The following SVEP1 variants were observed in gnomAD, a reference collection of about 807,000 sequenced individuals.
SVEP1 encodes the protein sushi, von Willebrand factor type A, EGF and pentraxin domain containing 1.
Under a neutral mutation model 367.3 loss-of-function variants are expected in SVEP1, and 164 were observed. The observed-to-expected ratio is 0.45, with a 90% CI of 0.39 to 0.51. The LOEUF is 0.51. Ranked by LOEUF, SVEP1 falls within the 20% of genes least tolerant of loss-of-function variation. The pLI is 0.00. For missense variants in SVEP1, 4,117 were observed against 4,425.3 expected, an observed-to-expected ratio of 0.93 and a Z score of 1.98; for synonymous variants, 1,666 against 1,611.6, an observed-to-expected ratio of 1.03 and a Z score of -0.81.
chr9:110,576,974 T>G (rs1830634652), intron 1 of SVEP1, among the ~76,000 whole-genome samples: 2 of 152,070 alleles, frequency 1.3e-5, no homozygotes, highest in South Asian at 2.1e-4. Context: ...AAACTATTTC[T>G]CTGATTTGGG....
chr9:110,387,510 C>G (rs1827544107), intron 41 of SVEP1, 52 bp from the exon 42 acceptor site: 3 of 1,488,966 alleles, frequency 2.0e-6, no homozygotes, highest in Non-Finnish European at 2.7e-6. Flanking sequence ...ATTCCTCTTT[C>G]CTTCTTTTCC....
rs1441745980 is a variant in SVEP1, at chr9:110,457,323, G to A, written c.3606C>T (p.Cys1202=). The part of the protein sequence containing the change: ...QVFHECFFNP[C]HNSGTCQQLG... ...GTTGCTGGCAGGTTCCACTATTGTGGCAAGGGTTAAAGAAGCATTCATGGA... is the reference window on the plus strand; with the variant it reads ...GTTGCTGGCAGGTTCCACTATTGTGACAAGGGTTAAAGAAGCATTCATGGA... The change falls in exon 21 of 48, where the codon TGC becomes TGT. Residue 1202 remains cysteine, a synonymous_variant. Coordinates refer to ENST00000374469, the MANE Select transcript of SVEP1 (RefSeq NM_153366.4). 1 of 1,612,372 alleles carries A rather than the reference G, an allele frequency of 6.2e-7. No individual in the cohort carries two copies. Among genetic ancestry groups the A allele is most frequent in the Admixed American group, 1.7e-5 (1 of 59,488 alleles).
At chr9:110,424,769 G>C (rs7036103) in intron 36 of SVEP1, among the ~76,000 whole-genome samples, 1 of 151,940 alleles carries the variant, frequency 6.6e-6, no homozygotes, top group African/African-American at 2.4e-5. Context: ...CCGCCTCTGA[G>C]GTTCAAGCAA....
At chr9:110,534,973 G>T (rs923823758) in intron 3 of SVEP1, among the ~76,000 whole-genome samples, 1 of 152,058 alleles carries the variant, frequency 6.6e-6, no homozygotes, top group Non-Finnish European at 1.5e-5. Flanking sequence ...TAGGCTGTCT[G>T]TTTAGTCTGT....
chr9:110,431,026 A>T (rs1828342726), intron 32 of SVEP1, among the ~76,000 whole-genome samples: 1 of 152,220 alleles, frequency 6.6e-6, no homozygotes, highest in African/African-American at 2.4e-5. Flanking sequence ...AAACGGGAGG[A>T]TATATTGCAT....
chr9:110,368,387 C>G (rs1827229399), intron 47 of SVEP1, among the ~76,000 whole-genome samples: 1 of 152,156 alleles, frequency 6.6e-6, no homozygotes, highest in East Asian at 1.9e-4. Context: ...TGCTAGTTAG[C>G]CTTCCCTTGA....
chr9:110,491,595 G>GTGTGTGTGTGTA (rs1211763262), intron 8 of SVEP1, among the ~76,000 whole-genome samples: 1 of 137,408 alleles, frequency 7.3e-6, no homozygotes, highest in African/African-American at 2.5e-5. Flanking sequence ...AATGGGGTGT[G>GTGTGTGTGTGTA]TGTGTGTGTG....
chr9:110,400,470 G>A (rs1400050771), intron 40 of SVEP1, among the ~76,000 whole-genome samples: 1 of 151,814 alleles, frequency 6.6e-6, no homozygotes, highest in African/African-American at 2.4e-5. Flanking sequence ...GGGTTCAAGC[G>A]ATTCTCCTGC....
At chr9:110,483,443 T>A in intron 10 of SVEP1, 143 bp downstream of exon 10, 1 of 464,236 alleles carries the variant, frequency 2.2e-6, no homozygotes, top group Non-Finnish European at 3.7e-6. Context: ...TATTCTAGCA[T>A]TAAAACATGT....
intron 36 of SVEP1, among the ~76,000 whole-genome samples, chr9:110,424,436 A>T (rs1164315026): frequency 6.6e-6 from 1 of 152,188 alleles, no homozygotes; most frequent in African/African-American, 2.4e-5. Flanking sequence ...AAAATATATA[A>T]ATTAATAGGA....
At chr9:110,483,294 A>ATGG (rs1829225253) in intron 10 of SVEP1, among the ~76,000 whole-genome samples, 1 of 152,196 alleles carries the variant, frequency 6.6e-6, no homozygotes, top group African/African-American at 2.4e-5. Flanking sequence ...CCTCTAGAGC[A>ATGG]ACATAAGCTT....
intron 16 of SVEP1, among the ~76,000 whole-genome samples, chr9:110,470,918 T>A (rs1829007008): frequency 6.6e-6 from 1 of 152,078 alleles, no homozygotes; most frequent in Non-Finnish European, 1.5e-5. Flanking sequence ...CCTAATGCTA[T>A]CCCTCCCCAC....
At chr9:110,433,887 T>A (rs1386728130) in intron 30 of SVEP1, among the ~76,000 whole-genome samples, 2 of 152,188 alleles carry the variant, frequency 1.3e-5, no homozygotes, top group Non-Finnish European at 2.9e-5. Flanking sequence ...GTCTCTCCTA[T>A]TAGAATGTAA....
chr9:110,507,743 T>A (rs1829647118), intron 5 of SVEP1, among the ~76,000 whole-genome samples: 1 of 152,236 alleles, frequency 6.6e-6, no homozygotes, highest in East Asian at 1.9e-4. Flanking sequence ...GTGTCCTTCA[T>A]GTGTATCCCA....
At position 110,431,982 on chromosome 9, in the gene SVEP1, C is replaced by T. The variant is rs773883906; in HGVS notation, c.5286G>A (p.Leu1762=). 2.5e-6 allele frequency: 4 copies of T among 1,613,456 alleles called. No individual in the cohort carries two copies. Among genetic ancestry groups the T allele is most frequent in the Admixed American group, 1.7e-5 (1 of 59,954 alleles). ...AACATATGTAGGATCCATCTACGTT[C>T]AGGCAAGAAGCATGCTCACTACAAT... is the stretch of plus-strand genomic sequence containing the variant. ...GSDCSEHASC[L]NVDGSYICSC... is the part of the protein sequence containing the mutation. Residue 1762 remains leucine, a synonymous_variant, in exon 32 of 48, where the codon CTG becomes CTA. Coordinates refer to ENST00000374469, the MANE Select transcript of SVEP1 (RefSeq NM_153366.4).
At chr9:110,399,091 A>T (rs529619656) in intron 40 of SVEP1, among the ~76,000 whole-genome samples, 1 of 152,336 alleles carries the variant, frequency 6.6e-6, no homozygotes, top group South Asian at 2.1e-4. Flanking sequence ...ACTTGGAACC[A>T]ACCCAAATGT....
chr9:110,511,347 C>T (rs1829708242), intron 5 of SVEP1, among the ~76,000 whole-genome samples: 1 of 151,958 alleles, frequency 6.6e-6, no homozygotes, highest in Non-Finnish European at 1.5e-5. Flanking sequence ...GAGTCTATTT[C>T]CTGTGACTAT....
At chr9:110,575,802 C>T (rs1454179022) in intron 1 of SVEP1, among the ~76,000 whole-genome samples, 1 of 152,108 alleles carries the variant, frequency 6.6e-6, no homozygotes, top group Non-Finnish European at 1.5e-5. Context: ...GAGCCACCCC[C>T]AGTTAAAAAC....
chr9:110,466,533 C>T (rs893098750), intron 17 of SVEP1, among the ~76,000 whole-genome samples: 16 of 151,722 alleles, frequency 1.1e-4, no homozygotes, highest in Middle Eastern at 3.4e-3. Context: ...CCGAGGCGGG[C>T]GGATCACGAG....
Sources: gnomAD v4.1 joint callset for allele counts (sites outside exome capture counted in the v4.1 genomes callset) on GRCh38, gnomAD v4.1.1 for gene constraint, MANE v1.5 for transcripts, NCBI Gene and HGNC (gene_info 2026-07-23, HGNC 2026-07-21) for gene names.